DSCAML1: variants seen among roughly 807,000 people sequenced by gnomAD.
DSCAML1 encodes the protein DS cell adhesion molecule like 1, also known as cell adhesion molecule DSCAML1.
In DSCAML1, 38 loss-of-function variants were observed where a neutral mutation model predicts 200.5. That is an observed-to-expected ratio of 0.19 (90% CI 0.15 to 0.25). The LOEUF (loss-of-function observed/expected upper bound fraction) is 0.25. Among genes scored for constraint, DSCAML1 ranks in the 10% least tolerant of loss-of-function variants. DSCAML1 has a pLI of 1.00. For synonymous variants in DSCAML1, 1,215 were observed against 1,165.0 expected (o/e 1.04, Z -0.87); for missense variants, 2,223 against 2,858.8 (o/e 0.78, Z 5.07).
Position 117,428,074 on chromosome 11 carries a change from C to T in DSCAML1, c.*254G>A. ...GTCTATATATGTATATATATCTCCACACATATTTTGTGGGGTGGGGGATTT... is the reference window on the plus strand; with the variant it reads ...GTCTATATATGTATATATATCTCCATACATATTTTGTGGGGTGGGGGATTT... On this transcript the variant is annotated 3_prime_UTR_variant, in exon 33 of 33. Coordinates refer to ENST00000651296, the MANE Select transcript of DSCAML1 (RefSeq NM_020693.4). 1 of 421,892 alleles carries T rather than the reference C, an allele frequency of 2.4e-6. No individual in the cohort carries two copies. The highest frequency in any genetic ancestry group is 2.9e-5 in the South Asian group (1 of 34,466). The allele number at this position is 421,892 out of a possible 1,614,324, so 26.1% of individuals were successfully genotyped here. A position where few individuals can be genotyped will look rare whatever the true frequency, so the allele number is the denominator to read the frequency against.
At chr11:117,776,385 G>T (rs943073225) in intron 3 of DSCAML1, among the ~76,000 whole-genome samples, 2 of 152,072 alleles carry the variant, frequency 1.3e-5, no homozygotes, top group Admixed American at 6.5e-5. Context: ...GTCACACGAC[G>T]CAGGAACACA....
chr11:117,688,257 G>C (rs2053439156), intron 3 of DSCAML1, among the ~76,000 whole-genome samples: 1 of 152,250 alleles, frequency 6.6e-6, no homozygotes, highest in East Asian at 1.9e-4. Context: ...AGGGCTGGCT[G>C]TGCCCATGAA....
At chr11:117,796,269 C>T (rs1469419351) in intron 1 of DSCAML1, among the ~76,000 whole-genome samples, 1 of 152,220 alleles carries the variant, frequency 6.6e-6, no homozygotes, top group Admixed American at 6.5e-5. Context: ...GAGGGACACG[C>T]CCCCCAGCCT....
At chr11:117,604,276 T>C (rs114566299) in intron 3 of DSCAML1, among the ~76,000 whole-genome samples, 2,306 of 152,048 alleles carry the variant, frequency 0.015, 52 homozygotes, top group African/African-American at 0.052. Context: ...AGAGGTGCCA[T>C]TTATGAGAAG....
intron 3 of DSCAML1, among the ~76,000 whole-genome samples, chr11:117,700,123 A>G (rs2053642687): frequency 6.6e-6 from 1 of 152,222 alleles, no homozygotes; most frequent in Non-Finnish European, 1.5e-5. Flanking sequence ...GGCCAGATTC[A>G]ATTCTGAATT....
chr11:117,561,139 GCAC>G lies in DSCAML1; in HGVS notation c.512-28620_512-28618del, dbSNP rs536032224. 7.5e-3 allele frequency among the ~76,000 whole-genome samples: 1,142 copies of G among 152,324 alleles called. 15 individuals are homozygous for G. The highest frequency in any genetic ancestry group is 0.011 in the Non-Finnish European group (746 of 68,020). ...GTCTGTGCCTCTGGGCAGCACTGGA[GCAC>G]CTGGTGAGGAAGGCAGGCTCTCCTC... On this transcript the variant is annotated intron_variant, in intron 3 of 32. Transcript: ENST00000651296.
intron 3 of DSCAML1, among the ~76,000 whole-genome samples, chr11:117,766,287 G>A (rs149549827): frequency 2.8e-3 from 427 of 152,324 alleles, no homozygotes; most frequent in African/African-American, 9.3e-3. Context: ...TGTAAGCACC[G>A]TTGGCTTCTT....
At chr11:117,664,717 T>C (rs139956785) in intron 3 of DSCAML1, among the ~76,000 whole-genome samples, 25 of 152,302 alleles carry the variant, frequency 1.6e-4, no homozygotes, top group Admixed American at 4.6e-4. Flanking sequence ...CGGAACTGTT[T>C]CCTGATGGCC....
At chr11:117,709,301 T>TGGGGTCAGAGACTGGGGA (rs1182690053) in intron 3 of DSCAML1, among the ~76,000 whole-genome samples, 2 of 152,162 alleles carry the variant, frequency 1.3e-5, no homozygotes, top group Non-Finnish European at 2.9e-5. Flanking sequence ...AAGGTGCCAA[T>TGGGGTCAGAGACTGGGGA]GGGGTCAGAG....
upstream of DSCAML1, among the ~76,000 whole-genome samples, chr11:117,798,284 G>C (rs991501199): frequency 3.9e-5 from 6 of 152,220 alleles, no homozygotes; most frequent in Non-Finnish European, 8.8e-5. Flanking sequence ...TTTGGAGGGA[G>C]AGAAGGGGTC....
At chr11:117,624,359 T>C (rs146091144) in intron 3 of DSCAML1, among the ~76,000 whole-genome samples, 25 of 152,254 alleles carry the variant, frequency 1.6e-4, no homozygotes, top group East Asian at 1.2e-3. Flanking sequence ...TGGCTCTTGA[T>C]AGAGTAGTGA....
At chr11:117,758,257 G>A (rs12296014) in intron 3 of DSCAML1, among the ~76,000 whole-genome samples, 7,829 of 148,992 alleles carry the variant, frequency 0.053, 256 homozygotes, top group Non-Finnish European at 0.068. Flanking sequence ...CCAAGATCAC[G>A]CCACTGCACT....
At position 117,662,007 on chromosome 11, in the gene DSCAML1, T is replaced by C. The variant is rs909082839; in HGVS notation, c.511+114784A>G. Reference sequence around the variant, plus strand: ...CTTCAGCACTAAGGACCATGAGGGCTTGGAGTGGCCTGGATGCAACTTGTT... The same window carrying C: ...CTTCAGCACTAAGGACCATGAGGGCCTGGAGTGGCCTGGATGCAACTTGTT... On this transcript the variant is annotated intron_variant, in intron 3 of 32. Transcript: ENST00000651296. Among the ~76,000 whole-genome samples the C allele has an allele frequency of 1.6e-4, 24 of 152,206 alleles. 1 individual carries two copies. Among genetic ancestry groups the C allele is most frequent in the Admixed American group, 1.6e-3 (24 of 15,278 alleles).
chr11:117,554,079 C>T (rs1168049925), intron 3 of DSCAML1, among the ~76,000 whole-genome samples: 1 of 152,144 alleles, frequency 6.6e-6, no homozygotes, highest in Admixed American at 6.5e-5. Flanking sequence ...TATGATTCTA[C>T]TTATGTGAGG....
intron 8 of DSCAML1, among the ~76,000 whole-genome samples, chr11:117,510,891 C>T (rs1317065263): frequency 6.6e-6 from 1 of 152,148 alleles, no homozygotes; most frequent in Admixed American, 6.5e-5. Flanking sequence ...CAGTGGCTTC[C>T]TTGGTGTTCC....
intron 3 of DSCAML1, among the ~76,000 whole-genome samples, chr11:117,703,702 G>A (rs2053706218): frequency 6.6e-6 from 1 of 152,236 alleles, no homozygotes; most frequent in Non-Finnish European, 1.5e-5. Flanking sequence ...CCGAGTGAAT[G>A]TGGAAGCAAG....
intron 11 of DSCAML1, among the ~76,000 whole-genome samples, chr11:117,493,180 G>T (rs1025114572): frequency 6.6e-6 from 1 of 152,122 alleles, no homozygotes; most frequent in African/African-American, 2.4e-5. Context: ...CCTCAAACTC[G>T]CCAGGCCTTA....
chr11:117,755,502 G>GT (rs2054672517), intron 3 of DSCAML1, among the ~76,000 whole-genome samples: 1 of 152,086 alleles, frequency 6.6e-6, no homozygotes, highest in Non-Finnish European at 1.5e-5. Flanking sequence ...CCTGCCCCCC[G>GT]TCTCCTCGGA....
At chr11:117,738,873 C>T (rs1274979138) in intron 3 of DSCAML1, among the ~76,000 whole-genome samples, 1 of 152,164 alleles carries the variant, frequency 6.6e-6, no homozygotes, top group Non-Finnish European at 1.5e-5. Context: ...AGTCCCTTTC[C>T]CTGCATCTGG....
Sources: allele counts gnomAD v4.1 joint callset (sites outside exome capture counted in the v4.1 genomes callset), GRCh38; gene constraint gnomAD v4.1.1; transcripts MANE v1.5; gene names NCBI Gene and HGNC (gene_info 2026-07-23, HGNC 2026-07-21).